Variants in PCDHGB3 observed in about 807,000 individuals in gnomAD.
PCDHGB3 encodes protocadherin gamma-B3.
Under a neutral mutation model 59.2 loss-of-function variants are expected in PCDHGB3, and 40 were observed. That is an observed-to-expected ratio of 0.68 (90% CI 0.52 to 0.88). The LOEUF is 0.88. Ranked by LOEUF, PCDHGB3 falls within the 40% of genes least tolerant of loss-of-function variation. The pLI, the probability that PCDHGB3 is intolerant of heterozygous loss-of-function variation, is 0.00. For synonymous variants in PCDHGB3, 581 were observed against 503.6 expected (o/e 1.15, Z -2.06); for missense variants, 1,309 against 1,187.9 (o/e 1.10, Z -1.50).
At chr5:141,374,689 G>T in intron 1 of PCDHGB3, 2 of 1,609,578 alleles carry the variant, frequency 1.2e-6, no homozygotes, top group East Asian at 4.5e-5. Flanking sequence ...CACTGGACCG[G>T]GAAGGAGAAG....
intron 1 of PCDHGB3, chr5:141,409,668 A>G: frequency 6.2e-7 from 1 of 1,613,398 alleles, no homozygotes; most frequent in Non-Finnish European, 8.5e-7. Context: ...CACATCTCCT[A>G]CTCTATAGTG....
In PCDHGB3 at chr5:141,370,651, T is replaced by G. The variant is rs779641933; in HGVS notation, c.257T>G (p.Val86Gly). Residue 86 changes from valine (V) to glycine (G), a missense_variant, in exon 1 of 4, where the codon GTG (valine) becomes GGG (glycine). Physicochemically the swap from Val to Gly is moderately radical, Grantham distance 109. Coordinates refer to ENST00000576222, the MANE Select transcript of PCDHGB3 (RefSeq NM_018924.5). Reference sequence around the variant, plus strand: ...AGCCCCGAAAATGGGAACTTACTTGTGAGCGACCGTATAGACCGAGAGGAG... The same window carrying G: ...AGCCCCGAAAATGGGAACTTACTTGGGAGCGACCGTATAGACCGAGAGGAG... ...TVSPENGNLLVSDRIDREEIC... is the reference protein window; with the variant it reads ...TVSPENGNLLGSDRIDREEIC... 4.3e-6 allele frequency: 7 copies of G among 1,613,800 alleles called. No homozygotes were observed. In the South Asian group the frequency reaches 7.7e-5, roughly 18 times the overall value.
At chr5:141,406,198 C>T (rs1363174713) in intron 1 of PCDHGB3, among the ~76,000 whole-genome samples, 1 of 151,806 alleles carries the variant, frequency 6.6e-6, no homozygotes, top group African/African-American at 2.4e-5. Context: ...TCAGCCTTCA[C>T]AGTAGCTAGG....
Position 141,486,314 on chromosome 5 carries a change from T to C in PCDHGB3, c.2416-8493T>C, listed in dbSNP as rs775833520. The C allele has an allele frequency of 4.5e-5, 72 of 1,613,758 alleles. No homozygotes were observed. The highest frequency in any genetic ancestry group is 5.9e-5 in the Non-Finnish European group (70 of 1,179,984). On this transcript the variant is annotated intron_variant, in intron 1 of 3. Transcript: ENST00000576222. This position sits in a 1 kb window ranked among gnomAD's most constrained non-coding sequence, Gnocchi z 5.0. ...CAGTGTGCAGGATCCAGACTCAGGG[T>C]CAAACGGAGATGTGAGCCTCCGCAT...
chr5:141,375,470 G>A (rs1771485342), intron 1 of PCDHGB3: 1 of 1,613,784 alleles, frequency 6.2e-7, no homozygotes, highest in Admixed American at 1.7e-5. Flanking sequence ...CTATGTCCTT[G>A]AAAACAACCC....
At chr5:141,500,473 T>C (rs911171031) in intron 2 of PCDHGB3, among the ~76,000 whole-genome samples, 10 of 152,132 alleles carry the variant, frequency 6.6e-5, no homozygotes, top group Admixed American at 4.6e-4. Flanking sequence ...CCTCCCAAAG[T>C]GCTGGGATTA....
At chr5:141,421,794 G>A in intron 1 of PCDHGB3, 1 of 1,613,788 alleles carries the variant, frequency 6.2e-7, no homozygotes, top group Non-Finnish European at 8.5e-7. Flanking sequence ...GAACGGATGG[G>A]GCCAAGAATC....
At chr5:141,419,547 T>C (rs2096397603) in intron 1 of PCDHGB3, 6 of 1,612,070 alleles carry the variant, frequency 3.7e-6, no homozygotes, top group Non-Finnish European at 5.1e-6. Context: ...CCGCGGGTGC[T>C]GTACCCTGCG....
intron 1 of PCDHGB3, among the ~76,000 whole-genome samples, chr5:141,472,908 C>T (rs1369506606): frequency 1.3e-5 from 2 of 149,744 alleles, no homozygotes; most frequent in African/African-American, 2.5e-5. Context: ...ATTGCTTGAA[C>T]CCAAGAGGAG....
At chr5:141,463,401 A>T (rs57406832) in intron 1 of PCDHGB3, among the ~76,000 whole-genome samples, 25,027 of 149,108 alleles carry the variant, frequency 0.17, 2,158 homozygotes, top group South Asian at 0.22. Context: ...GGCAAAAAAA[A>T]TGGAGATCCT....
intron 1 of PCDHGB3, chr5:141,419,396 G>A (rs772000806): frequency 3.7e-6 from 6 of 1,613,600 alleles, no homozygotes; most frequent in Admixed American, 1.7e-5. Flanking sequence ...GCAGAGCGGG[G>A]TGGTGTTCGC....
At chr5:141,492,404 T>C (rs944864208) in intron 1 of PCDHGB3, among the ~76,000 whole-genome samples, 9 of 152,316 alleles carry the variant, frequency 5.9e-5, no homozygotes, top group African/African-American at 1.9e-4. Context: ...GCAGCTCCCC[T>C]CTGCCGCTCC....
At chr5:141,498,709 A>G (rs1245852373) in intron 2 of PCDHGB3, among the ~76,000 whole-genome samples, 2 of 152,148 alleles carry the variant, frequency 1.3e-5, no homozygotes, top group African/African-American at 4.8e-5. Context: ...AGGTGGGTGG[A>G]TCACCTGAGG....
At chr5:141,430,743 T>C in intron 1 of PCDHGB3, 1 of 1,498,372 alleles carries the variant, frequency 6.7e-7, no homozygotes, top group Non-Finnish European at 8.9e-7. Flanking sequence ...TGAAAATAAT[T>C]CTGGAGGAAG....
chr5:141,500,187 TATTTA>T (rs1467273493), intron 2 of PCDHGB3, among the ~76,000 whole-genome samples: 2 of 110,668 alleles, frequency 1.8e-5, no homozygotes, highest in Non-Finnish European at 3.6e-5. Flanking sequence ...TTTTTATTTT[TATTTA>T]TTTATTTATT....
At chr5:141,393,442 T>G (rs932289283) in intron 1 of PCDHGB3, 3 of 1,614,056 alleles carry the variant, frequency 1.9e-6, no homozygotes, top group Non-Finnish European at 2.5e-6. Context: ...GCTCACCACC[T>G]GGTCCTCACG....
chr5:141,447,514 C>T (rs901543835), intron 1 of PCDHGB3, among the ~76,000 whole-genome samples: 20 of 152,196 alleles, frequency 1.3e-4, no homozygotes, highest in Admixed American at 8.5e-4. Context: ...AGATGCATAA[C>T]AATCATAACA....
At chr5:141,400,560 C>CGTAA in intron 1 of PCDHGB3, 5 of 1,613,248 alleles carry the variant, frequency 3.1e-6, no homozygotes, top group Non-Finnish European at 3.4e-6. Flanking sequence ...TTTCATTACC[C>CGTAA]ACCCAATTTT....
chr5:141,400,311 T>A, intron 1 of PCDHGB3: 1 of 1,614,098 alleles, frequency 6.2e-7, no homozygotes, highest in Non-Finnish European at 8.5e-7. Flanking sequence ...CTGGTCTCTG[T>A]GTCAAGTCTG....
Sources: allele counts gnomAD v4.1 joint callset (sites outside exome capture counted in the v4.1 genomes callset), GRCh38; gene constraint gnomAD v4.1.1; non-coding constraint Gnocchi (gnomAD v3.1); transcripts MANE v1.5; gene names NCBI Gene and HGNC (gene_info 2026-07-23, HGNC 2026-07-21).